The following BLTP1 variants were observed in gnomAD, a reference collection of about 807,000 sequenced individuals.
The protein encoded by BLTP1 is bridge-like lipid transfer protein family member 1.
the BLTP1 span, chr4:122,362,202 A>G: frequency 1.1e-5 from 17 of 1,613,264 alleles, no homozygotes; most frequent in Non-Finnish European, 1.3e-5. Context: ...GTACTGCACT[A>G]CAGGATGAAA....
the BLTP1 span, chr4:122,348,774 A>G: frequency 8.4e-7 from 1 of 1,193,580 alleles, no homozygotes; most frequent in Non-Finnish European, 1.2e-6. Flanking sequence ...CTTTTCTTCT[A>G]CTGTAGTAAA....
chr4:122,176,349 A>G, the BLTP1 span, among the ~76,000 whole-genome samples: 1 of 152,130 alleles, frequency 6.6e-6, no homozygotes, highest in Non-Finnish European at 1.5e-5. Flanking sequence ...ATGAGTGAAG[A>G]GAATTATTAT....
the BLTP1 span, chr4:122,275,938 G>T: frequency 6.6e-7 from 1 of 1,510,898 alleles, no homozygotes; most frequent in South Asian, 1.4e-5. Flanking sequence ...CCTCCTTTTT[G>T]TTTTCCCACT....
At chr4:122,294,162 A>T in the BLTP1 span, among the ~76,000 whole-genome samples, 296 of 152,116 alleles carry the variant, frequency 1.9e-3, 1 homozygote, top group Non-Finnish European at 3.7e-3. Flanking sequence ...AGTTCAGCTG[A>T]CTTAGCCTTT....
At chr4:122,304,795 T>C in the BLTP1 span, 1 of 1,613,424 alleles carries the variant, frequency 6.2e-7, no homozygotes, top group African/African-American at 1.3e-5. Context: ...TATAATCTGC[T>C]AGGGTATTCA....
chr4:122,215,562 A>G, the BLTP1 span: 1 of 985,394 alleles, frequency 1.0e-6, no homozygotes. Flanking sequence ...TTTCCACTTT[A>G]CACTTGACCC....
chr4:122,262,814 T>G, the BLTP1 span: 14 of 1,613,458 alleles, frequency 8.7e-6, no homozygotes, highest in Non-Finnish European at 1.1e-5. Flanking sequence ...ACACTGCCAC[T>G]GATTCTCCAG....
chr4:122,175,086 A>G, the BLTP1 span: 3 of 957,474 alleles, frequency 3.1e-6, no homozygotes, highest in East Asian at 2.3e-4. Context: ...ACAAATATGA[A>G]TATAATAAGG....
chr4:122,348,242 A>G, the BLTP1 span, among the ~76,000 whole-genome samples: 6 of 152,270 alleles, frequency 3.9e-5, no homozygotes, highest in Admixed American at 3.9e-4. Context: ...ACAGCACCTT[A>G]TGATTTTCTT....
At chr4:122,221,816 A>T in the BLTP1 span, 2 of 984,794 alleles carry the variant, frequency 2.0e-6, no homozygotes, top group Non-Finnish European at 2.4e-6. Flanking sequence ...GAAAAGGGAA[A>T]GTCTTCTATG....
chr4:122,185,288 A>G, the BLTP1 span: 2 of 981,356 alleles, frequency 2.0e-6, no homozygotes, highest in Admixed American at 6.1e-5. Flanking sequence ...AATTTGTTCA[A>G]TAGAGATAAA....
the BLTP1 span, chr4:122,183,555 C>T: frequency 7.1e-6 from 7 of 980,296 alleles, no homozygotes; most frequent in African/African-American, 1.8e-5. Context: ...TTATTTGGGC[C>T]CCAGTTAACA....
At chr4:122,343,420 A>G in the BLTP1 span, 1 of 1,613,710 alleles carries the variant, frequency 6.2e-7, no homozygotes, top group Non-Finnish European at 8.5e-7. Flanking sequence ...GTTCATCGGG[A>G]TTAGGCAGCC....
At chr4:122,331,015 T>C in the BLTP1 span, 5 of 965,234 alleles carry the variant, frequency 5.2e-6, no homozygotes, top group African/African-American at 8.8e-5. Context: ...GAAAGTAACA[T>C]TTAAATGTTA....
the BLTP1 span, chr4:122,272,013 A>T: frequency 9.4e-7 from 1 of 1,068,700 alleles, no homozygotes; most frequent in Non-Finnish European, 1.3e-6. Context: ...AAAAATGTTG[A>T]AGAAATTTTT....
the BLTP1 span, chr4:122,273,189 C>CT: frequency 3.5e-5 from 33 of 950,710 alleles, no homozygotes; most frequent in Non-Finnish European, 4.0e-5. Flanking sequence ...TTATTGTTAA[C>CT]TTTATGATTC....
chr4:122,227,803 T>TA, the BLTP1 span: 1 of 152,044 alleles, frequency 6.6e-6, no homozygotes, highest in East Asian at 1.9e-4. Context: ...ATTGGTTCCT[T>TA]AGTCACAGGT....
At chr4:122,355,845 T>G in the BLTP1 span, 3 of 1,612,326 alleles carry the variant, frequency 1.9e-6, no homozygotes, top group Non-Finnish European at 2.5e-6. Flanking sequence ...AGAATAGCAC[T>G]ACTGTGAAGA....
the BLTP1 span, chr4:122,271,406 A>C: frequency 6.2e-7 from 1 of 1,613,910 alleles, no homozygotes; most frequent in Non-Finnish European, 8.5e-7. Flanking sequence ...TTCTAGAGGA[A>C]GTCTTAATGG....
Sources: allele counts gnomAD v4.1 joint callset (sites outside exome capture counted in the v4.1 genomes callset), GRCh38; gene constraint gnomAD v4.1.1; transcripts MANE v1.5; gene names NCBI Gene and HGNC (gene_info 2026-07-23, HGNC 2026-07-21).